Variants in NDST3 observed in about 807,000 individuals in gnomAD.
NDST3 encodes the protein N-deacetylase and N-sulfotransferase 3.
NDST3 carries 58 observed loss-of-function variants against 96.1 expected under a neutral mutation model. The ratio of observed to expected loss-of-function variants is 0.60; its 90% confidence interval spans 0.49 to 0.75. The LOEUF is 0.75. Among genes scored for constraint, NDST3 ranks in the 30% least tolerant of loss-of-function variants. The pLI is 0.00. For missense variants in NDST3, 788 were observed against 1,034.2 expected (o/e 0.76, Z 3.27); for synonymous variants, 333 against 359.7 (o/e 0.93, Z 0.84).
chr4:118,213,942 AAC>A (rs1324205887), intron 6 of NDST3, among the ~76,000 whole-genome samples: 1 of 152,172 alleles, frequency 6.6e-6, no homozygotes, highest in Non-Finnish European at 1.5e-5. Context: ...TTCTTTAATG[AAC>A]CATACACATG....
At chr4:118,170,223 G>A (rs901766858) in intron 6 of NDST3, among the ~76,000 whole-genome samples, 1 of 152,120 alleles carries the variant, frequency 6.6e-6, no homozygotes, top group Non-Finnish European at 1.5e-5. Flanking sequence ...AGACAACAAT[G>A]AGGCAGTTGG....
At chr4:118,138,354 G>A in intron 5 of NDST3, 115 bp downstream of exon 5, 1 of 856,722 alleles carries the variant, frequency 1.2e-6, no homozygotes, top group South Asian at 2.3e-5. Flanking sequence ...GCTCCATGCT[G>A]CAGGAAGCAT....
At chr4:118,152,525 T>C (rs1258979280) in intron 6 of NDST3, among the ~76,000 whole-genome samples, 1 of 152,190 alleles carries the variant, frequency 6.6e-6, no homozygotes. Flanking sequence ...TGACAATTGG[T>C]AACCAAAACC....
intron 9 of NDST3, among the ~76,000 whole-genome samples, 195 bp from the exon 10 acceptor site, chr4:118,236,851 C>T (rs1740679055): frequency 6.6e-6 from 1 of 152,102 alleles, no homozygotes; most frequent in Admixed American, 6.6e-5. Context: ...AGAAAATGTA[C>T]TTAGAAAAAC....
At chr4:118,067,742 C>A (rs1344868702) in intron 2 of NDST3, among the ~76,000 whole-genome samples, 1 of 151,938 alleles carries the variant, frequency 6.6e-6, no homozygotes, top group Admixed American at 6.6e-5. Flanking sequence ...GAAATTGACA[C>A]AATGTCAGTG....
chr4:118,115,448 G>A (rs1368789763), intron 4 of NDST3, among the ~76,000 whole-genome samples: 1 of 152,154 alleles, frequency 6.6e-6, no homozygotes, highest in Non-Finnish European at 1.5e-5. Flanking sequence ...AAATCTTCGG[G>A]ATCAGGATTA....
intron 4 of NDST3, among the ~76,000 whole-genome samples, chr4:118,120,466 T>C (rs913209609): frequency 6.6e-6 from 1 of 152,196 alleles, no homozygotes; most frequent in African/African-American, 2.4e-5. Flanking sequence ...GAGCTGTCTT[T>C]AGTCATCTAA....
intron 4 of NDST3, among the ~76,000 whole-genome samples, chr4:118,116,173 C>G (rs1731077430): frequency 6.6e-6 from 1 of 152,148 alleles, no homozygotes; most frequent in African/African-American, 2.4e-5. Context: ...TTAATTCTGT[C>G]ATTTTCAGAA....
chr4:118,230,535 G>A (rs923412650), intron 8 of NDST3, among the ~76,000 whole-genome samples: 2 of 151,388 alleles, frequency 1.3e-5, no homozygotes, highest in African/African-American at 2.4e-5. Flanking sequence ...AGATCACGCC[G>A]CTGCACTCTA....
intron 1 of NDST3, among the ~76,000 whole-genome samples, chr4:118,052,576 G>A (rs1374435590): frequency 6.6e-6 from 1 of 151,888 alleles, no homozygotes; most frequent in African/African-American, 2.4e-5. Context: ...TAGGTGCCCA[G>A]GTAAATCCAA....
chr4:118,201,971 A>G (rs1738117965), intron 6 of NDST3, among the ~76,000 whole-genome samples: 1 of 152,122 alleles, frequency 6.6e-6, no homozygotes, highest in African/African-American at 2.4e-5. Context: ...TATATGGTGA[A>G]AGGTAGGGGT....
intron 2 of NDST3, among the ~76,000 whole-genome samples, chr4:118,064,453 G>C (rs13137083): frequency 0.75 from 114,376 of 151,936 alleles, 45,703 homozygotes; most frequent in South Asian, 0.92. Flanking sequence ...TAAAATAAAT[G>C]ATGAGATCTA....
chr4:118,222,529 C>T (rs936168006), intron 6 of NDST3, among the ~76,000 whole-genome samples: 11 of 151,892 alleles, frequency 7.2e-5, no homozygotes, highest in Admixed American at 3.3e-4. Context: ...AGGTGACATG[C>T]GTTACAAAAA....
chr4:118,143,338 C>A (rs759035533), intron 5 of NDST3, among the ~76,000 whole-genome samples: 1 of 152,056 alleles, frequency 6.6e-6, no homozygotes, highest in South Asian at 2.1e-4. Flanking sequence ...TAACACAACA[C>A]CTATTTTAGT....
rs115941093 is a variant in NDST3, at chr4:118,096,746, T to C, written c.982-8272T>C. Among the ~76,000 whole-genome samples, 967 of 151,930 alleles carry C rather than the reference T, an allele frequency of 6.4e-3. 10 individuals are homozygous for C. The highest frequency in any genetic ancestry group is 0.01 in the Non-Finnish European group (680 of 67,866). Reference sequence around the variant, plus strand: ...AGATGTATTATAAGGAATTGGCTTATGAGGTTATGGAGGCTGAGAAGTCTC... The same window carrying C: ...AGATGTATTATAAGGAATTGGCTTACGAGGTTATGGAGGCTGAGAAGTCTC... On this transcript the variant is annotated intron_variant, in intron 2 of 13. Transcript: ENST00000296499.
At chr4:118,209,788 T>G (rs935862507) in intron 6 of NDST3, among the ~76,000 whole-genome samples, 3 of 152,142 alleles carry the variant, frequency 2.0e-5, no homozygotes, top group Non-Finnish European at 4.4e-5. Flanking sequence ...GATCCCAAAT[T>G]CTAAATGTTA....
At position 118,216,562 on chromosome 4, in the gene NDST3, A is replaced by T. The variant is rs1032907806; in HGVS notation, c.1540-7929A>T. On this transcript the variant is annotated intron_variant, in intron 6 of 13. Coordinates refer to ENST00000296499, the MANE Select transcript of NDST3 (RefSeq NM_004784.3). ...CTGAGAGTTTAAATAACTTGCTAAG[A>T]CTGTAGAGCCAGTAGGTGGTGGAGC... Among the ~76,000 whole-genome samples, 6 of 152,108 alleles carry T rather than the reference A, an allele frequency of 3.9e-5. No individual in the cohort carries two copies. The South Asian group carries it at 1.2e-3, about 32-fold the overall frequency.
chr4:118,068,166 C>CTTTTT (rs34891564), intron 2 of NDST3, among the ~76,000 whole-genome samples: 24 of 84,326 alleles, frequency 2.8e-4, no homozygotes, highest in East Asian at 4.0e-4. Flanking sequence ...TACTTGATCT[C>CTTTTT]TTTTTTTTTT....
intron 6 of NDST3, among the ~76,000 whole-genome samples, chr4:118,199,039 C>A (rs1160191407): frequency 1.3e-5 from 2 of 152,086 alleles, no homozygotes; most frequent in Non-Finnish European, 2.9e-5. Flanking sequence ...GTCTTCTTTG[C>A]ATGAAATCTG....
Sources: allele counts gnomAD v4.1 joint callset (sites outside exome capture counted in the v4.1 genomes callset), GRCh38; gene constraint gnomAD v4.1.1; transcripts MANE v1.5; gene names NCBI Gene and HGNC (gene_info 2026-07-23, HGNC 2026-07-21).